Variants in PSD3 observed in about 807,000 individuals in gnomAD.
PSD3 encodes pleckstrin and Sec7 domain containing 3, also known as PH and SEC7 domain-containing protein 3.
In PSD3, 49 loss-of-function variants were observed where a neutral mutation model predicts 105.5. That is an observed-to-expected ratio of 0.46 (90% CI 0.37 to 0.59). PSD3 has a LOEUF of 0.59. Among genes scored for constraint, PSD3 ranks in the 20% least tolerant of loss-of-function variants. The pLI is 0.00. For synonymous variants in PSD3, 557 were observed against 457.8 expected, an observed-to-expected ratio of 1.22 and a Z score of -2.77; for missense variants, 1,561 against 1,263.8, an observed-to-expected ratio of 1.24 and a Z score of -3.57.
intron 9 of PSD3, among the ~76,000 whole-genome samples, chr8:18,743,718 C>T (rs955037162): frequency 6.7e-6 from 1 of 150,140 alleles, no homozygotes; most frequent in Non-Finnish European, 1.5e-5. Flanking sequence ...GGGAAGATTA[C>T]TTGAGGCCAG....
intron 8 of PSD3, among the ~76,000 whole-genome samples, chr8:18,798,310 C>T (rs1022851989): frequency 1.3e-5 from 2 of 152,082 alleles, no homozygotes; most frequent in African/African-American, 4.8e-5. Flanking sequence ...AACTTTCTAG[C>T]TGAGTATTTT....
Position 18,530,846 on chromosome 8 carries a change from T to C in PSD3, c.*4897A>G, listed in dbSNP as rs1382118587. The stretch of plus-strand genomic sequence containing the variant: ...AAGAATTTTCTAGCATAAAGTCTTA[T>C]TAAAAATTTTAATCAAAATATTATT... On this transcript the variant is annotated 3_prime_UTR_variant, in exon 16 of 16. Transcript: ENST00000327040. 2 of 152,204 alleles carry C rather than the reference T, an allele frequency of 1.3e-5. No individual in the cohort carries two copies. Among genetic ancestry groups the C allele is most frequent in the Non-Finnish European group, 2.9e-5 (2 of 68,044 alleles). 9.4% of individuals were successfully genotyped at this position (152,204 alleles called of 1,614,324 possible).
chr8:18,818,400 T>C (rs1286034872), intron 4 of PSD3, among the ~76,000 whole-genome samples: 1 of 152,112 alleles, frequency 6.6e-6, no homozygotes, highest in African/African-American at 2.4e-5. Context: ...TGCCCTTTGA[T>C]TTCACACTAG....
At chr8:18,819,284 T>A (rs1030942832) in intron 4 of PSD3, among the ~76,000 whole-genome samples, 1 of 151,766 alleles carries the variant, frequency 6.6e-6, no homozygotes, top group Non-Finnish European at 1.5e-5. Flanking sequence ...AAAGACAGAG[T>A]CTAAAGGAGA....
intron 1 of PSD3, among the ~76,000 whole-genome samples, chr8:18,998,611 C>T (rs1464278137): frequency 4.6e-5 from 7 of 151,984 alleles, no homozygotes; most frequent in African/African-American, 9.7e-5. Context: ...CGCTTGAACG[C>T]GGGAGGCGGA....
rs117727572 is a variant in PSD3 at position 18,892,523 on chromosome 8, A to C, written c.131-19790T>G. On this transcript the variant is annotated intron_variant, in intron 2 of 15. Transcript: ENST00000327040. Reference sequence around the variant, plus strand: ...CAGGCGTGAGCCACCGCACCTGGCCATAAACATTTTTAATGAACACACGAT... The same window carrying C: ...CAGGCGTGAGCCACCGCACCTGGCCCTAAACATTTTTAATGAACACACGAT... Among the ~76,000 whole-genome samples, 303 of 151,986 alleles carry C rather than the reference A, an allele frequency of 2.0e-3. 9 individuals carry two copies. The East Asian group carries it at 0.055, about 28-fold the overall frequency.
At chr8:18,540,405 C>A (rs1225129268) in intron 15 of PSD3, among the ~76,000 whole-genome samples, 9 of 152,090 alleles carry the variant, frequency 5.9e-5, no homozygotes, top group Admixed American at 3.3e-4. Context: ...ATGCCTGTGT[C>A]TGTAACCACT....
At chr8:18,753,685 G>A (rs774124507) in intron 9 of PSD3, among the ~76,000 whole-genome samples, 54 of 152,082 alleles carry the variant, frequency 3.6e-4, no homozygotes, top group Non-Finnish European at 1.3e-4. Flanking sequence ...CTACATTAGC[G>A]CATTTTCTGA....
At chr8:18,770,217 G>A (rs1378282695) in intron 8 of PSD3, among the ~76,000 whole-genome samples, 1 of 152,090 alleles carries the variant, frequency 6.6e-6, no homozygotes, top group Non-Finnish European at 1.5e-5. Context: ...TTTCCCTAAT[G>A]ACTAATGACC....
intron 11 of PSD3, among the ~76,000 whole-genome samples, chr8:18,629,887 G>A (rs768708443): frequency 6.6e-6 from 1 of 151,886 alleles, no homozygotes; most frequent in Non-Finnish European, 1.5e-5. Context: ...ATTCTGGATT[G>A]TAAGGCTGAA....
intron 7 of PSD3, among the ~76,000 whole-genome samples, chr8:18,799,909 T>C (rs755795965): frequency 5.2e-4 from 79 of 152,184 alleles, no homozygotes; most frequent in Non-Finnish European, 1.1e-3. Flanking sequence ...AAAAATCTTT[T>C]CAATTTACGC....
chr8:18,660,727 G>C (rs1453829964), intron 9 of PSD3, among the ~76,000 whole-genome samples: 2 of 152,150 alleles, frequency 1.3e-5, no homozygotes, highest in Non-Finnish European at 2.9e-5. Context: ...AACTCTGATT[G>C]GAAGCCTTGG....
chr8:18,945,726 A>G (rs772933874), intron 1 of PSD3, among the ~76,000 whole-genome samples: 2 of 152,258 alleles, frequency 1.3e-5, no homozygotes, highest in Non-Finnish European at 2.9e-5. Flanking sequence ...CTGTAATCCC[A>G]GCACTTTGGG....
At chr8:19,005,481 G>A (rs192930729) in intron 1 of PSD3, among the ~76,000 whole-genome samples, 1 of 151,776 alleles carries the variant, frequency 6.6e-6, no homozygotes, top group African/African-American at 2.4e-5. Context: ...AATTTTTGGG[G>A]TTTTTTTGTT....
intron 12 of PSD3, among the ~76,000 whole-genome samples, chr8:18,588,566 T>C (rs1429232310): frequency 6.6e-6 from 1 of 152,186 alleles, no homozygotes; most frequent in Non-Finnish European, 1.5e-5. Flanking sequence ...TACTATTCAC[T>C]CTTCATAAAT....
intron 2 of PSD3, among the ~76,000 whole-genome samples, chr8:18,895,111 C>A (rs375044045): frequency 6.6e-6 from 1 of 152,188 alleles, no homozygotes; most frequent in African/African-American, 2.4e-5. Context: ...TTCCTGAGAT[C>A]CTGTATGTGC....
At chr8:18,963,392 T>C (rs1824042792) in intron 1 of PSD3, among the ~76,000 whole-genome samples, 1 of 152,242 alleles carries the variant, frequency 6.6e-6, no homozygotes, top group Non-Finnish European at 1.5e-5. Flanking sequence ...ACTTTTCTCA[T>C]GCAAATACCA....
chr8:18,639,725 A>T (rs1351072156), intron 10 of PSD3, among the ~76,000 whole-genome samples: 26 of 152,322 alleles, frequency 1.7e-4, no homozygotes, highest in Non-Finnish European at 4.4e-5. Context: ...GAACCATGAG[A>T]CAATAAATCT....
intron 1 of PSD3, among the ~76,000 whole-genome samples, chr8:19,043,533 T>C (rs540898859): frequency 6.6e-6 from 1 of 152,306 alleles, no homozygotes; most frequent in Non-Finnish European, 1.5e-5. Flanking sequence ...CATGACCACA[T>C]ATTGTATGAA....
Sources: allele counts gnomAD v4.1 joint callset (sites outside exome capture counted in the v4.1 genomes callset), GRCh38; gene constraint gnomAD v4.1.1; transcripts MANE v1.5; gene names NCBI Gene and HGNC (gene_info 2026-07-23, HGNC 2026-07-21).